The following CTNNA3 variants were observed in gnomAD, a reference collection of about 807,000 sequenced individuals.
CTNNA3 encodes catenin alpha-3.
In CTNNA3, 76 loss-of-function variants were observed where a neutral mutation model predicts 95.7. That is an observed-to-expected ratio of 0.79 (90% confidence interval 0.66 to 0.96). The LOEUF (loss-of-function observed/expected upper bound fraction) is 0.96. Among genes scored for constraint, CTNNA3 ranks in the 40% least tolerant of loss-of-function variants. CTNNA3 has a pLI of 0.00. For missense variants in CTNNA3, 1,191 were observed against 1,089.8 expected, an observed-to-expected ratio of 1.09 and a Z score of -1.31; for synonymous variants, 431 against 374.4, an observed-to-expected ratio of 1.15 and a Z score of -1.74.
chr10:66,739,889 A>G (rs1589195338), intron 9 of CTNNA3, among the ~76,000 whole-genome samples: 1 of 152,314 alleles, frequency 6.6e-6, no homozygotes, highest in African/African-American at 2.4e-5. Context: ...GAGACTTGCT[A>G]AAGTTTATAC....
chr10:67,083,795 G>T (rs1400539753), intron 7 of CTNNA3, among the ~76,000 whole-genome samples: 1 of 152,116 alleles, frequency 6.6e-6, no homozygotes, highest in Non-Finnish European at 1.5e-5. Context: ...TAGACATTGG[G>T]ATGGTTCCCA....
chr10:67,729,352 T>C (rs1241608604), intron 1 of CTNNA3, among the ~76,000 whole-genome samples: 3 of 152,154 alleles, frequency 2.0e-5, no homozygotes, highest in Non-Finnish European at 2.9e-5. Flanking sequence ...TATTAACTTA[T>C]TTGTTAAATG....
At chr10:66,410,598 C>T (rs907199722) in intron 11 of CTNNA3, among the ~76,000 whole-genome samples, 1 of 152,126 alleles carries the variant, frequency 6.6e-6, no homozygotes, top group Non-Finnish European at 1.5e-5. Context: ...ATACTGATTG[C>T]CCCCCACTCC....
chr10:67,375,068 C>G (rs1195087062), intron 5 of CTNNA3, among the ~76,000 whole-genome samples: 1 of 152,086 alleles, frequency 6.6e-6, no homozygotes, highest in Admixed American at 6.5e-5. Context: ...ATTTATTATC[C>G]TGCCCAAATT....
chr10:66,389,714 A>G (rs1040435886), intron 11 of CTNNA3, among the ~76,000 whole-genome samples: 4 of 129,008 alleles, frequency 3.1e-5, no homozygotes, highest in African/African-American at 1.3e-4. Context: ...TTTCATTCAT[A>G]TATATATATG....
At chr10:66,013,278 T>A (rs530099172) in intron 15 of CTNNA3, among the ~76,000 whole-genome samples, 101 of 152,338 alleles carry the variant, frequency 6.6e-4, no homozygotes, top group African/African-American at 2.3e-3. Context: ...AGTATATTAA[T>A]TTAAATAGTT....
intron 5 of CTNNA3, among the ~76,000 whole-genome samples, chr10:67,287,882 G>A (rs887131288): frequency 6.6e-6 from 1 of 152,176 alleles, no homozygotes; most frequent in African/African-American, 2.4e-5. Flanking sequence ...CTTTGAGTCA[G>A]TAAAAAGAAC....
intron 9 of CTNNA3, among the ~76,000 whole-genome samples, chr10:66,690,307 C>T (rs1421156757): frequency 6.6e-6 from 1 of 151,844 alleles, no homozygotes; most frequent in Non-Finnish European, 1.5e-5. Context: ...TTATATGTCA[C>T]GTCTTTTAAT....
intron 7 of CTNNA3, among the ~76,000 whole-genome samples, chr10:66,868,338 C>T (rs1033542737): frequency 4.0e-5 from 6 of 149,014 alleles, no homozygotes; most frequent in African/African-American, 1.5e-4. Context: ...GCACTCCAGC[C>T]TGTGCAACAA....
chr10:67,701,344 T>C (rs909135505), intron 1 of CTNNA3, among the ~76,000 whole-genome samples: 2 of 151,138 alleles, frequency 1.3e-5, no homozygotes, highest in Middle Eastern at 3.2e-3. Flanking sequence ...AAAGTTGAAA[T>C]GAAGGAAAAA....
At chr10:66,730,105 G>GAAA (rs71035172) in intron 9 of CTNNA3, among the ~76,000 whole-genome samples, 4 of 134,198 alleles carry the variant, frequency 3.0e-5, no homozygotes, top group South Asian at 2.5e-4. Context: ...TACTCTGTCT[G>GAAA]AAAAAAAAAA....
At chr10:66,627,476 T>C (rs1324969775) in intron 9 of CTNNA3, among the ~76,000 whole-genome samples, 1 of 520 alleles carries the variant, frequency 1.9e-3, no homozygotes, top group Non-Finnish European at 4.0e-3. Context: ...ATAAAGTCTT[T>C]ATTTCTTTTT....
intron 7 of CTNNA3, chr10:67,012,843 A>C (rs548751046): frequency 2.3e-3 from 352 of 152,312 alleles, no homozygotes; most frequent in African/African-American, 7.7e-3. Flanking sequence ...AGAGCTTACT[A>C]TAATATGTTC....
intron 11 of CTNNA3, among the ~76,000 whole-genome samples, chr10:66,507,833 C>T (rs919395412): frequency 6.6e-6 from 1 of 152,092 alleles, no homozygotes; most frequent in Admixed American, 6.6e-5. Flanking sequence ...TATCTCTTTG[C>T]TATGCTGACT....
At chr10:67,000,842 A>G (rs1851643830) in intron 7 of CTNNA3, among the ~76,000 whole-genome samples, 1 of 152,196 alleles carries the variant, frequency 6.6e-6, no homozygotes, top group Non-Finnish European at 1.5e-5. Flanking sequence ...AGGCAATCTG[A>G]GAATTTAATT....
chr10:66,011,179 G>A (rs1022598995), intron 15 of CTNNA3, among the ~76,000 whole-genome samples: 1 of 152,020 alleles, frequency 6.6e-6, no homozygotes, highest in African/African-American at 2.4e-5. Context: ...GATGCCACTC[G>A]CAATTCCCCT....
intron 9 of CTNNA3, among the ~76,000 whole-genome samples, chr10:66,760,872 G>A (rs781242143): frequency 3.3e-5 from 5 of 152,074 alleles, no homozygotes; most frequent in Non-Finnish European, 4.4e-5. Context: ...AAGCATTCCC[G>A]CCTATAGCAT....
chr10:66,726,163 A>G (rs1848775160), intron 9 of CTNNA3, among the ~76,000 whole-genome samples: 1 of 152,056 alleles, frequency 6.6e-6, no homozygotes, highest in Non-Finnish European at 1.5e-5. Flanking sequence ...AGTGCTTTAT[A>G]TTTTAGAAAT....
chr10:66,614,077 G>A (rs907482017), intron 10 of CTNNA3, among the ~76,000 whole-genome samples: 7 of 152,080 alleles, frequency 4.6e-5, no homozygotes, highest in African/African-American at 1.4e-4. Flanking sequence ...TCTTACTGAA[G>A]TGTGTGCTAA....
Sources: allele counts gnomAD v4.1 joint callset (sites outside exome capture counted in the v4.1 genomes callset), GRCh38; gene constraint gnomAD v4.1.1; transcripts MANE v1.5; gene names NCBI Gene and HGNC (gene_info 2026-07-23, HGNC 2026-07-21).